Variants in PISD observed in about 807,000 individuals in gnomAD.
PISD encodes the protein phosphatidylserine decarboxylase proenzyme, mitochondrial.
Under a neutral mutation model 43.5 loss-of-function variants are expected in PISD, and 31 were observed. The observed-to-expected ratio is 0.71, with a 90% CI of 0.54 to 0.96. The LOEUF (loss-of-function observed/expected upper bound fraction) is 0.96, where lower values mean the gene tolerates loss of function less well. Ranked by LOEUF, PISD falls within the 40% of genes least tolerant of loss-of-function variation. The pLI is 0.00. For synonymous variants in PISD, 259 were observed against 228.7 expected (o/e 1.13, Z -1.20); for missense variants, 523 against 548.4 (o/e 0.95, Z 0.46).
intron 2 of PISD, among the ~76,000 whole-genome samples, chr22:31,648,936 A>T (rs111955043): frequency 0.011 from 1,675 of 152,290 alleles, 32 homozygotes; most frequent in African/African-American, 0.038. Context: ...CCAGAACTTG[A>T]AGCCAAACAC....
At chr22:31,636,349 T>C (rs1039803734) in intron 3 of PISD, among the ~76,000 whole-genome samples, 2 of 152,186 alleles carry the variant, frequency 1.3e-5, no homozygotes, top group Non-Finnish European at 2.9e-5. Context: ...TGAGCATACC[T>C]GCAAGCCCAG....
chr22:31,629,121 A>G (rs1175301400), intron 3 of PISD: 3 of 985,348 alleles, frequency 3.0e-6, no homozygotes, highest in Non-Finnish European at 3.6e-6. Context: ...GGTAAAGACC[A>G]CAACACCTGC....
intron 3 of PISD, among the ~76,000 whole-genome samples, chr22:31,639,692 A>G (rs538976237): frequency 1.9e-3 from 290 of 152,288 alleles, no homozygotes; most frequent in African/African-American, 6.6e-3. Flanking sequence ...ATCTGAAATC[A>G]CAACCGCCAC....
In PISD at chr22:31,620,976, C is replaced by T. The variant is rs763673248; in HGVS notation, c.844+20G>A. 3.6e-5 allele frequency: 57 copies of T among 1,599,046 alleles called. No individual in the cohort carries two copies. The highest frequency in any genetic ancestry group is 4.1e-5 in the Non-Finnish European group (48 of 1,174,122). The stretch of plus-strand genomic sequence containing the variant: ...TGAAGCCCACAGAGGCAGCTCCCCC[C>T]ACGCTGGCCCCGGGCTGACCTGGGA... On this transcript the variant is annotated intron_variant, in intron 6 of 7. Transcript: ENST00000439502.
rs539797316 is a variant in PISD at position 31,632,209 on chromosome 22, A to G, written c.322-10324T>C. The G allele has an allele frequency of 5.4e-5, 53 of 985,032 alleles. 1 individual carries two copies. In the South Asian group the frequency reaches 2.3e-3, roughly 43 times the overall value. 61.0% of individuals were successfully genotyped at this position (985,032 alleles called of 1,614,324 possible). ...TGGATCCAGCCCAAGCAAGTGCCAC[A>G]TGACAAGCCACAGCCCTGGGATGCG... On this transcript the variant is annotated intron_variant, in intron 3 of 7. Coordinates refer to ENST00000439502, the MANE Select transcript of PISD (RefSeq NM_001326411.2).
intron 5 of PISD, 69 bp from the exon 6 acceptor site, chr22:31,621,211 C>T: frequency 6.2e-7 from 1 of 1,612,096 alleles, no homozygotes; most frequent in Non-Finnish European, 8.5e-7. Flanking sequence ...CGAGTGTGGT[C>T]TGCACATGGA....
At chr22:31,648,543 G>A (rs956386441) in intron 2 of PISD, among the ~76,000 whole-genome samples, 24 of 151,842 alleles carry the variant, frequency 1.6e-4, no homozygotes, top group South Asian at 2.1e-4. Flanking sequence ...AGTGGCGGGC[G>A]CCTGTAGTCC....
At chr22:31,625,453 G>A in intron 3 of PISD, 1 of 511,186 alleles carries the variant, frequency 2.0e-6, no homozygotes, top group Non-Finnish European at 3.5e-6. Flanking sequence ...GGGGTGCAGA[G>A]GCAAGGGTCT....
At position 31,619,769 on chromosome 22, in the gene PISD, G is replaced by A; in HGVS notation, c.1073C>T (p.Thr358Ile). 6.2e-7 allele frequency: 1 copy of A among 1,614,226 alleles called. No individual in the cohort carries two copies. Among genetic ancestry groups the A allele is most frequent in the South Asian group, 1.1e-5 (1 of 91,092 alleles). The change falls in exon 8 of 8, where the codon ACC becomes ATC. Residue 358 changes from threonine (T) to isoleucine (I), a missense_variant. Thr to Ile is a moderately conservative substitution (Grantham distance 89, BLOSUM62 -1). Transcript: ENST00000439502. ...ACGCATGGGGACGCCCTCTCTATTG[G>A]TGTGCGTCACGAAGCTGAAGTCATT... ...SYNDFSFVTH[T>I]NREGVPMRKG...
chr22:31,619,409 G>C lies in PISD; in HGVS notation c.*203C>G. On this transcript the variant is annotated 3_prime_UTR_variant, in exon 8 of 8. Transcript: ENST00000439502. ...GTAGGCAGAAGGAACGGGATAGGTT[G>C]AGGGGCATGATGGGGGCTCTCGCCA... is the stretch of plus-strand genomic sequence containing the variant. The C allele has an allele frequency of 1.5e-6, 1 of 672,078 alleles. No homozygotes were observed. Among genetic ancestry groups the C allele is most frequent in the Non-Finnish European group, 2.7e-6 (1 of 366,584 alleles). 41.6% of individuals were successfully genotyped at this position (672,078 alleles called of 1,614,324 possible). A position where few individuals can be genotyped will look rare whatever the true frequency, so the allele number is the denominator to read the frequency against.
intron 3 of PISD, among the ~76,000 whole-genome samples, chr22:31,631,103 A>T (rs1456095000): frequency 1.3e-5 from 2 of 152,188 alleles, no homozygotes; most frequent in African/African-American, 4.8e-5. Flanking sequence ...TCAACCAGCA[A>T]GGTGGGCCCG....
At chr22:31,646,088 T>G (rs183400902) in intron 3 of PISD, among the ~76,000 whole-genome samples, 1 of 152,024 alleles carries the variant, frequency 6.6e-6, no homozygotes, top group Non-Finnish European at 1.5e-5. Context: ...AAATGAAGTG[T>G]TGGAGTCCCA....
At chr22:31,637,160 AAAAAATATATATATATATATATAT>A (rs1332800475) in intron 3 of PISD, among the ~76,000 whole-genome samples, 266 of 23,376 alleles carry the variant, frequency 0.011, 18 homozygotes, top group East Asian at 0.051. Flanking sequence ...AAAAAAAAAA[AAAAAATATATATATATATATATAT>A]ATATATATAT....
chr22:31,628,156 A>G (rs2073010927), intron 3 of PISD: 2 of 985,500 alleles, frequency 2.0e-6, no homozygotes, highest in South Asian at 4.7e-5. Flanking sequence ...AGGGAGGAAA[A>G]TGAATCCAGC....
chr22:31,650,861 A>G, intron 1 of PISD, 83 bp from the exon 2 acceptor site: 2 of 788,220 alleles, frequency 2.5e-6, no homozygotes, highest in East Asian at 2.7e-5. Flanking sequence ...TAAACACTCA[A>G]TAACAATATT....
At chr22:31,637,887 C>A (rs561583800) in intron 3 of PISD, among the ~76,000 whole-genome samples, 154 of 152,356 alleles carry the variant, frequency 1.0e-3, no homozygotes, top group African/African-American at 2.5e-3. Context: ...ACTGAAATTT[C>A]TCACTCAGAA....
chr22:31,644,534 C>T (rs2073829928), intron 3 of PISD, among the ~76,000 whole-genome samples: 1 of 152,100 alleles, frequency 6.6e-6, no homozygotes, highest in Non-Finnish European at 1.5e-5. Flanking sequence ...CCACCACGCC[C>T]AGCCTCAAAT....
intron 3 of PISD, among the ~76,000 whole-genome samples, chr22:31,644,542 A>G (rs2073830289): frequency 6.6e-6 from 1 of 151,998 alleles, no homozygotes; most frequent in African/African-American, 2.4e-5. Flanking sequence ...CCCAGCCTCA[A>G]ATTCATAATT....
chr22:31,623,636 G>T (rs201519936), intron 3 of PISD: 13 of 1,559,544 alleles, frequency 8.3e-6, no homozygotes, highest in South Asian at 1.2e-5. Context: ...CCAACCTCAG[G>T]CCTGCCCGGA....
Sources: allele counts gnomAD v4.1 joint callset (sites outside exome capture counted in the v4.1 genomes callset), GRCh38; gene constraint gnomAD v4.1.1; transcripts MANE v1.5; gene names NCBI Gene and HGNC (gene_info 2026-07-23, HGNC 2026-07-21).